Variants in AMOTL2 observed in about 807,000 individuals in gnomAD.
AMOTL2 encodes angiomotin like 2.
A neutral mutation model predicts 78.4 loss-of-function variants in AMOTL2; 33 were observed. The ratio of observed to expected loss-of-function variants is 0.42; its 90% CI spans 0.32 to 0.56. The LOEUF is 0.56. Among genes scored for constraint, AMOTL2 ranks in the 20% least tolerant of loss-of-function variants. AMOTL2 has a pLI of 0.12. For synonymous variants in AMOTL2, 422 were observed against 428.8 expected (o/e 0.98, Z 0.20); for missense variants, 983 against 1,030.1 (o/e 0.95, Z 0.63).
chr3:134,356,846 G>A lies in AMOTL2; in HGVS notation c.*859C>T, dbSNP rs1559793048. 6.6e-6 allele frequency: 1 copy of A among 152,540 alleles called. No homozygotes were observed. Among genetic ancestry groups the A allele is most frequent in the Non-Finnish European group, 1.5e-5 (1 of 68,156 alleles). 9.4% of individuals were successfully genotyped at this position (152,540 alleles called of 1,614,324 possible). Reference sequence around the variant, plus strand: ...AAGAGGCTGGTGGTGGGGGTCCCGTGGGCATTTATAGGGCTCAAGATAGAG... The same window carrying A: ...AAGAGGCTGGTGGTGGGGGTCCCGTAGGCATTTATAGGGCTCAAGATAGAG... On this transcript the variant is annotated 3_prime_UTR_variant, in exon 10 of 10. Coordinates refer to ENST00000249883, the MANE Select transcript of AMOTL2 (RefSeq NM_016201.4).
In AMOTL2 at chr3:134,370,709, G is replaced by C; in HGVS notation, c.725C>G (p.Ala242Gly). 1 of 1,509,944 alleles carries C rather than the reference G, an allele frequency of 6.6e-7. No individual in the cohort carries two copies. Among genetic ancestry groups the C allele is most frequent in the Non-Finnish European group, 8.9e-7 (1 of 1,129,426 alleles). 93.5% of individuals were successfully genotyped at this position (1,509,944 alleles called of 1,614,324 possible). Reference protein sequence around the residue: ...RARGSPHFQHAEVRILQAQVP... With the variant: ...RARGSPHFQHGEVRILQAQVP... ...AGGTGGGGAGAGTTACCTGACTTCA[G>C]CATGCTGGAAGTGCGGGCTGCCGCG... is the stretch of plus-strand genomic sequence containing the variant. Residue 242 changes from alanine to glycine, a missense_variant, in exon 2 of 10, where the codon GCT becomes GGT. Transcript: ENST00000249883.
chr3:134,366,059 G>T (rs2017590202), intron 4 of AMOTL2, 150 bp from the exon 5 acceptor site: 1 of 1,056,536 alleles, frequency 9.5e-7, no homozygotes, highest in African/African-American at 1.6e-5. Context: ...CCCATGGGTG[G>T]GAGCCTCCTC....
intron 2 of AMOTL2, 59 bp downstream of exon 2, chr3:134,370,641 T>G: frequency 6.7e-7 from 1 of 1,490,758 alleles, no homozygotes; most frequent in Non-Finnish European, 8.9e-7. Flanking sequence ...CTCTCCTCCC[T>G]GAGAGACCTG....
At chr3:134,373,363 C>T (rs192168292) in intron 1 of AMOTL2, among the ~76,000 whole-genome samples, 92 of 152,226 alleles carry the variant, frequency 6.0e-4, no homozygotes, top group Admixed American at 2.0e-3. Context: ...AGATTCCAGG[C>T]GCTCCATAGT....
chr3:134,374,669 C>T, upstream of AMOTL2: 16 of 982,210 alleles, frequency 1.6e-5, no homozygotes, highest in South Asian at 4.7e-5. Flanking sequence ...GCCGGCCCGG[C>T]CCCCGAGCTC....
At position 134,357,680 on chromosome 3, in the gene AMOTL2, TCA is replaced by T. The variant is rs753843754; in HGVS notation, c.*23_*24del. 4.3e-6 allele frequency: 7 copies of T among 1,613,338 alleles called. No homozygotes were observed. Among genetic ancestry groups the T allele is most frequent in the East Asian group, 4.5e-5 (2 of 44,896 alleles). On this transcript the variant is annotated 3_prime_UTR_variant, in exon 10 of 10. Coordinates refer to ENST00000249883, the MANE Select transcript of AMOTL2 (RefSeq NM_016201.4). Reference sequence around the variant, plus strand: ...AGGGCAGAGGAGGGGAGAGAATGGCTCAGAGTCCTGAAGCACCACCTCCTTCA... The same window carrying T: ...AGGGCAGAGGAGGGGAGAGAATGGCTGAGTCCTGAAGCACCACCTCCTTCA...
upstream of AMOTL2, chr3:134,374,659 G>T (rs1411327831): frequency 5.2e-5 from 51 of 981,468 alleles, no homozygotes; most frequent in Non-Finnish European, 6.2e-5. Context: ...CTGGCCGAGC[G>T]CCGGCCCGGC....
intron 4 of AMOTL2, 72 bp from the exon 5 acceptor site, chr3:134,365,981 A>G (rs1239242724): frequency 1.4e-6 from 2 of 1,452,544 alleles, no homozygotes; most frequent in Non-Finnish European, 1.9e-6. Context: ...CTGACGTCCT[A>G]TCAGGATGGG....
Position 134,370,975 on chromosome 3 carries a change from C to G in AMOTL2, c.459G>C (p.Gly153=), listed in dbSNP as rs761949198. 6.2e-7 allele frequency: 1 copy of G among 1,607,016 alleles called. No individual in the cohort carries two copies. The highest frequency in any genetic ancestry group is 1.1e-5 in the South Asian group (1 of 90,292). ...GCCGTTCACTCAACGAGCGCACGTG[C>G]CCATGCCTCAGCTCCCGCAGGGCCT... is the stretch of plus-strand genomic sequence containing the variant. The part of the protein sequence containing the change: ...QDEALRELRH[G]HVRSLSERLL... Residue 153 remains glycine, a synonymous_variant, in exon 2 of 10, where the codon GGG becomes GGC. Coordinates refer to ENST00000249883, the MANE Select transcript of AMOTL2 (RefSeq NM_016201.4).
At position 134,363,946 on chromosome 3, in the gene AMOTL2, A is replaced by C. The variant is rs912904140; in HGVS notation, c.1279+1871T>G. Among the ~76,000 whole-genome samples the C allele has an allele frequency of 1.8e-4, 28 of 152,112 alleles. 1 individual carries two copies. The highest frequency in any genetic ancestry group is 3.2e-3 in the Middle Eastern group (1 of 316). On this transcript the variant is annotated intron_variant, in intron 5 of 9. Transcript: ENST00000249883. ...GCTCTGGCCATCCCCTACCAACAGG[A>C]CCCTGATAAAACCTTGGGCCTGCGG...
intron 9 of AMOTL2, 32 bp from the exon 10 acceptor site, chr3:134,357,795 A>G (rs778798799): frequency 2.6e-5 from 41 of 1,602,708 alleles, no homozygotes; most frequent in Non-Finnish European, 3.5e-5. Flanking sequence ...GGCACATGCC[A>G]ATGAGTGTTA....
rs148721825 is a variant in AMOTL2, at chr3:134,366,358, C to T, written c.1111G>A (p.Ala371Thr). The T allele has an allele frequency of 6.1e-5, 98 of 1,614,054 alleles. No individual in the cohort carries two copies. Among genetic ancestry groups the T allele is most frequent in the Non-Finnish European group, 8.1e-5 (96 of 1,180,040 alleles). ...TTGTTCCGCATGGTCTTCTCCAGGG[C>T]CTCACGCTTGGAGGAGGCTCTGGTC... ...SLTRASSKRE[A>T]LEKTMRNKMD... is the part of the protein sequence containing the mutation. The change falls in exon 4 of 10, where the codon GCC becomes ACC. Residue 371 changes from alanine (A) to threonine (T), a missense_variant. Ala to Thr is a moderately conservative substitution (Grantham distance 58, BLOSUM62 0). Transcript: ENST00000249883.
chr3:134,358,797 C>T (rs2017205164), intron 8 of AMOTL2, 78 bp from the exon 9 acceptor site: 3 of 1,544,844 alleles, frequency 1.9e-6, no homozygotes, highest in Admixed American at 3.7e-5. Flanking sequence ...TTAACTGTCC[C>T]TGCTGGGGAT....
chr3:134,358,537 T>C lies in AMOTL2; in HGVS notation c.2284+3A>G. ...GCACAGAAGTGGGGTCAGGAGGACT[T>C]ACCCAGAGAGGCTGCTCTCTGGCTA... On this transcript the variant is annotated splice_donor_region_variant and intron_variant, in intron 9 of 9. Transcript: ENST00000249883. 1 of 1,612,072 alleles carries C rather than the reference T, an allele frequency of 6.2e-7. No homozygotes were observed. Among genetic ancestry groups the C allele is most frequent in the Admixed American group, 1.7e-5 (1 of 59,742 alleles).
intron 2 of AMOTL2, among the ~76,000 whole-genome samples, chr3:134,368,973 G>A (rs891825664): frequency 1.3e-5 from 2 of 152,076 alleles, no homozygotes; most frequent in East Asian, 1.9e-4. Flanking sequence ...CAGAAGCCCC[G>A]CAAAAACCGA....
intron 6 of AMOTL2, among the ~76,000 whole-genome samples, chr3:134,361,005 C>T (rs1489212179): frequency 6.6e-6 from 1 of 152,200 alleles, no homozygotes; most frequent in East Asian, 1.9e-4. Flanking sequence ...GAAACCTCAT[C>T]TCTACTAAAA....
chr3:134,365,753 G>C, intron 5 of AMOTL2, 64 bp downstream of exon 5: 1 of 1,455,322 alleles, frequency 6.9e-7, no homozygotes, highest in South Asian at 1.2e-5. Flanking sequence ...TCCTAGTCCA[G>C]AGGGTGTGCA....
In AMOTL2 at chr3:134,359,598, C is replaced by CA. The variant is rs557111746; in HGVS notation, c.1884-96_1884-95insT. The CA allele has an allele frequency of 3.4e-4, 344 of 1,004,514 alleles. 1 individual carries two copies. The highest frequency in any genetic ancestry group is 2.2e-3 in the African/African-American group (138 of 62,376). The allele number at this position is 1,004,514 out of a possible 1,614,324, so 62.2% of individuals were successfully genotyped here. On this transcript the variant is annotated intron_variant, in intron 7 of 9. Coordinates refer to ENST00000249883, the MANE Select transcript of AMOTL2 (RefSeq NM_016201.4). ...ATAGGAGTTAGAGGAAAAGCCCCCC[C>CA]CAACTCCCCCAACCCTGCCAGGCTG... is the stretch of plus-strand genomic sequence containing the variant.
At chr3:134,373,383 C>G (rs1383573086) in intron 1 of AMOTL2, 1 of 834,076 alleles carries the variant, frequency 1.2e-6, no homozygotes, top group Non-Finnish European at 1.4e-6. Context: ...TGTGCCCGGA[C>G]TGGGAGCAAG....
Sources: allele counts gnomAD v4.1 joint callset (sites outside exome capture counted in the v4.1 genomes callset), GRCh38; gene constraint gnomAD v4.1.1; transcripts MANE v1.5; gene names NCBI Gene and HGNC (gene_info 2026-07-23, HGNC 2026-07-21).